SEC23A: variants seen among roughly 807,000 people sequenced by gnomAD.
SEC23A encodes protein transport protein Sec23A.
Under a neutral mutation model 103.7 loss-of-function variants are expected in SEC23A, and 56 were observed. The ratio of observed to expected loss-of-function variants is 0.54; its 90% CI spans 0.44 to 0.67. SEC23A has a LOEUF of 0.67. Ranked by LOEUF, SEC23A falls within the 30% of genes least tolerant of loss-of-function variation. The pLI is 0.00. For missense variants in SEC23A, 784 were observed against 936.4 expected (o/e 0.84, Z 2.12); for synonymous variants, 281 against 293.0 (o/e 0.96, Z 0.42).
At chr14:39,055,410 A>AAT (rs1886207979) in intron 13 of SEC23A, 114 bp from the exon 14 acceptor site, 1 of 816,174 alleles carries the variant, frequency 1.2e-6, no homozygotes, top group Non-Finnish European at 1.8e-6. Context: ...AACTACTAGG[A>AAT]TTTTTTTTTT....
rs749934973 is a variant in SEC23A, at chr14:39,048,748, G to C, written c.1660-19C>G. On this transcript the variant is annotated intron_variant, in intron 14 of 19. Transcript: ENST00000307712. Reference sequence around the variant, plus strand: ...TCTGACACTAAATAAAATAAAATGTGTTAGTAATTTATTTCCTGGAATAAA... The same window carrying C: ...TCTGACACTAAATAAAATAAAATGTCTTAGTAATTTATTTCCTGGAATAAA... The C allele has an allele frequency of 3.1e-6, 4 of 1,299,646 alleles. No homozygotes were observed. In the East Asian group the frequency reaches 9.2e-5, roughly 30 times the overall value. The allele number at this position is 1,299,646 out of a possible 1,614,324, so 80.5% of individuals were successfully genotyped here.
At chr14:39,048,098 T>C (rs1885906580) in intron 15 of SEC23A, among the ~76,000 whole-genome samples, 1 of 152,206 alleles carries the variant, frequency 6.6e-6, no homozygotes, top group African/African-American at 2.4e-5. Context: ...TTACATGTAA[T>C]TCTACCCACT....
At chr14:39,047,950 G>A (rs1048688229) in intron 15 of SEC23A, among the ~76,000 whole-genome samples, 1 of 152,128 alleles carries the variant, frequency 6.6e-6, no homozygotes, top group Non-Finnish European at 1.5e-5. Flanking sequence ...CTATTTATCT[G>A]GTCTGGCCCC....
intron 1 of SEC23A, among the ~76,000 whole-genome samples, chr14:39,098,830 T>G (rs1887983992): frequency 6.7e-6 from 1 of 150,302 alleles, no homozygotes; most frequent in African/African-American, 2.4e-5. Context: ...TGACTACATT[T>G]GACAAAAAAT....
intron 5 of SEC23A, among the ~76,000 whole-genome samples, chr14:39,089,041 G>C (rs1594480421): frequency 6.6e-6 from 1 of 151,616 alleles, no homozygotes; most frequent in Non-Finnish European, 1.5e-5. Flanking sequence ...GGGTGTGGTG[G>C]CATGCGCCTG....
Position 39,085,830 on chromosome 14 carries a change from C to T in SEC23A, c.760G>A (p.Val254Ile). Residue 254 changes from valine to isoleucine, a missense_variant, in exon 7 of 20, where the codon GTA (valine) becomes ATA (isoleucine). Around this residue, in one of 2 missense-constraint regions of SEC23A, gnomAD observed 683 missense variants for 774.2 expected, o/e 0.88. Coordinates refer to ENST00000307712, the MANE Select transcript of SEC23A (RefSeq NM_006364.4). ...LGELQRDPWP[V>I]PQGKRPLRSS... ...CGCAAAGGTCTCTTTCCCTGTGGTA[C>T]AGGCCAAGGGTCTCGCTGGAGTTCT... 6.2e-7 allele frequency: 1 copy of T among 1,613,932 alleles called. No homozygotes were observed. The highest frequency in any genetic ancestry group is 8.5e-7 in the Non-Finnish European group (1 of 1,179,886).
chr14:39,092,836 G>T, intron 3 of SEC23A: 7 of 532,014 alleles, frequency 1.3e-5, no homozygotes, highest in Non-Finnish European at 2.0e-5. Context: ...ATGTTTTATG[G>T]GTTTTTTTTC....
intron 9 of SEC23A, among the ~76,000 whole-genome samples, chr14:39,073,138 A>T (rs12435383): frequency 0.15 from 23,580 of 152,190 alleles, 2,014 homozygotes; most frequent in African/African-American, 0.22. Flanking sequence ...TATCCATCAA[A>T]TGGAATACTA....
chr14:39,048,750 T>C (rs1885937014), intron 14 of SEC23A, 21 bp from the exon 15 acceptor site: 3 of 1,286,022 alleles, frequency 2.3e-6, no homozygotes, highest in South Asian at 1.2e-5. Flanking sequence ...TAAAATGTGT[T>C]AGTAATTTAT....
At chr14:39,102,058 C>G (rs1888117408) in intron 1 of SEC23A, among the ~76,000 whole-genome samples, 1 of 152,204 alleles carries the variant, frequency 6.6e-6, no homozygotes, top group African/African-American at 2.4e-5. Flanking sequence ...ATGGTGAAAC[C>G]CCGTCTCTAC....
At chr14:39,034,624 G>C (rs538073128) in intron 19 of SEC23A, among the ~76,000 whole-genome samples, 1 of 152,112 alleles carries the variant, frequency 6.6e-6, no homozygotes, top group Admixed American at 6.5e-5. Context: ...CCCAATCTCA[G>C]AGCCATTTCT....
intron 19 of SEC23A, among the ~76,000 whole-genome samples, chr14:39,038,481 A>G (rs918234311): frequency 6.6e-6 from 1 of 152,174 alleles, no homozygotes; most frequent in African/African-American, 2.4e-5. Flanking sequence ...TGGACACTCA[A>G]TAAATGTTGA....
intron 17 of SEC23A, among the ~76,000 whole-genome samples, chr14:39,042,080 C>T (rs1450051414): frequency 6.6e-6 from 1 of 152,110 alleles, no homozygotes; most frequent in East Asian, 1.9e-4. Context: ...AGCCACCACA[C>T]CCAGTCACAG....
intron 13 of SEC23A, among the ~76,000 whole-genome samples, chr14:39,056,771 A>AT (rs1886265848): frequency 6.6e-6 from 1 of 152,104 alleles, no homozygotes; most frequent in Non-Finnish European, 1.5e-5. Flanking sequence ...TCAAATTAGC[A>AT]TTTTTTTAAA....
intron 1 of SEC23A, among the ~76,000 whole-genome samples, chr14:39,100,005 C>T (rs919400116): frequency 2.0e-5 from 3 of 152,070 alleles, no homozygotes; most frequent in Non-Finnish European, 4.4e-5. Context: ...CAGACAATAG[C>T]CAGGTTTAAC....
At chr14:39,091,367 T>C in intron 5 of SEC23A, 110 bp downstream of exon 5, 1 of 750,482 alleles carries the variant, frequency 1.3e-6, no homozygotes, top group Non-Finnish European at 2.3e-6. Context: ...ATAATACAAT[T>C]ATATTAGTTA....
chr14:39,033,371 A>G (rs1430565941), intron 19 of SEC23A, 43 bp from the exon 20 acceptor site: 4 of 1,253,274 alleles, frequency 3.2e-6, no homozygotes, highest in South Asian at 2.4e-5. Context: ...GCATAGGGTG[A>G]TATCATGGAA....
chr14:39,037,540 T>C (rs1166901651), intron 19 of SEC23A, among the ~76,000 whole-genome samples: 3 of 152,228 alleles, frequency 2.0e-5, no homozygotes, highest in Non-Finnish European at 4.4e-5. Context: ...TTTCTTCTTT[T>C]TGTTGAATAA....
chr14:39,094,422 ATATATATATATATATATATATT>A lies in SEC23A; in HGVS notation c.222-1200_222-1179del, dbSNP rs1385605375. 2.8e-4 allele frequency among the ~76,000 whole-genome samples: 18 copies of A among 63,494 alleles called. 2 individuals are homozygous for A. Among genetic ancestry groups the A allele is most frequent in the African/African-American group, 4.4e-4 (4 of 9,094 alleles). The allele number at this position is 63,494 out of a possible 152,430, so 41.7% of individuals were successfully genotyped here. On this transcript the variant is annotated intron_variant, in intron 2 of 19. Transcript: ENST00000307712. ...CATATATATATATATATATATATAT[ATATATATATATATATATATATT>A]TTTTTTTTTTTTTTTTCCCCTCCTG...
Sources: gnomAD v4.1 joint callset for allele counts (sites outside exome capture counted in the v4.1 genomes callset) on GRCh38, gnomAD v4.1.1 for gene constraint, gnomAD v4.1.1 regional missense constraint, MANE v1.5 for transcripts, NCBI Gene and HGNC (gene_info 2026-07-23, HGNC 2026-07-21) for gene names.